ZFHX3: variants seen among roughly 807,000 people sequenced by gnomAD.
The protein encoded by ZFHX3 is zinc finger homeobox 3, also known as zinc finger homeobox protein 3.
A neutral mutation model predicts 279.1 loss-of-function variants in ZFHX3; 42 were observed. That is an observed-to-expected ratio of 0.15 (90% confidence interval 0.12 to 0.19). The LOEUF (loss-of-function observed/expected upper bound fraction) is 0.19, where lower values mean the gene tolerates loss of function less well. ZFHX3 is among the 10% of genes least tolerant of loss of function. The pLI, the probability that ZFHX3 is intolerant of heterozygous loss-of-function variation, is 1.00. For missense variants in ZFHX3, 4,981 were observed against 4,754.0 expected (o/e 1.05, Z -1.40); for synonymous variants, 2,293 against 1,957.8 (o/e 1.17, Z -4.52).
At chr16:73,534,544 G>A (rs2019860802) in intron 2 of ZFHX3, among the ~76,000 whole-genome samples, 1 of 152,122 alleles carries the variant, frequency 6.6e-6, no homozygotes, top group Admixed American at 6.5e-5. Context: ...TCTCTATTTT[G>A]CTCACTGATA....
intron 1 of ZFHX3, among the ~76,000 whole-genome samples, chr16:73,884,009 T>C (rs1176549741): frequency 3.3e-5 from 5 of 152,212 alleles, no homozygotes; most frequent in Non-Finnish European, 5.9e-5. Context: ...AGTGTTAAAC[T>C]GTACCAGGCT....
At chr16:73,012,768 T>G in intron 1 of ZFHX3, among the ~76,000 whole-genome samples, 1 of 152,170 alleles carries the variant, frequency 6.6e-6, no homozygotes, top group East Asian at 1.9e-4. Flanking sequence ...CTATACTTGT[T>G]CCAAAATCGT....
chr16:73,392,418 C>CAAAAAAAAAAAAA lies in ZFHX3; in HGVS notation c.-1291+63572_-1291+63584dup, dbSNP rs35019692. Among the ~76,000 whole-genome samples, 201 of 35,778 alleles carry CAAAAAAAAAAAAA rather than the reference C, an allele frequency of 5.6e-3. 4 individuals are homozygous for CAAAAAAAAAAAAA. The highest frequency in any genetic ancestry group is 8.2e-3 in the Non-Finnish European group (170 of 20,666). 23.5% of individuals were successfully genotyped at this position (35,778 alleles called of 152,430 possible). On this transcript the variant is annotated intron_variant, in intron 3 of 17. Transcript: ENST00000641206. Reference sequence around the variant, plus strand: ...TGGGTGACAGAATGAGACCCTGTCTCAAAAAAAAAAAAAAAAAAAAAAAAA... The same window carrying CAAAAAAAAAAAAA: ...TGGGTGACAGAATGAGACCCTGTCTCAAAAAAAAAAAAAAAAAAAAAAAAAAAAAAAAAAAAAA...
chr16:72,911,576 C>T (rs551762775), intron 3 of ZFHX3, among the ~76,000 whole-genome samples: 65 of 152,248 alleles, frequency 4.3e-4, no homozygotes, highest in African/African-American at 1.1e-3. Context: ...TCAGACCCTC[C>T]GCGGATAACC....
At chr16:72,898,206 T>G (rs1407958251) in intron 3 of ZFHX3, among the ~76,000 whole-genome samples, 2 of 152,222 alleles carry the variant, frequency 1.3e-5, no homozygotes, top group Non-Finnish European at 2.9e-5. Flanking sequence ...AATTTAGTTC[T>G]ATTTCATTGT....
At chr16:72,985,442 A>G (rs1432021010) in intron 1 of ZFHX3, among the ~76,000 whole-genome samples, 1 of 152,248 alleles carries the variant, frequency 6.6e-6, no homozygotes. Context: ...AGCCAGTTGC[A>G]TAAGGGTGTC....
chr16:73,169,035 C>T (rs1479651427), intron 5 of ZFHX3, among the ~76,000 whole-genome samples: 4 of 152,118 alleles, frequency 2.6e-5, no homozygotes, highest in African/African-American at 9.7e-5. Flanking sequence ...ATATTAGAAT[C>T]CTATCTTTGA....
intron 1 of ZFHX3, among the ~76,000 whole-genome samples, chr16:73,786,016 A>G (rs1331885717): frequency 6.6e-6 from 1 of 151,996 alleles, no homozygotes; most frequent in Non-Finnish European, 1.5e-5. Flanking sequence ...GATTACAGGC[A>G]TGCACCACCA....
In ZFHX3 at chr16:73,565,815, G is replaced by A. The variant is rs1223674010; in HGVS notation, c.-1546-109557C>T. Among the ~76,000 whole-genome samples, 3 of 152,198 alleles carry A rather than the reference G, an allele frequency of 2.0e-5. No homozygotes were observed. The East Asian group carries it at 5.8e-4, about 29-fold the overall frequency. On this transcript the variant is annotated intron_variant, in intron 2 of 17. Transcript: ENST00000641206. ...CAAGCTAGGGAGTTCTGAATGCACC[G>A]ATGCAACTTACATCCTGTGCCTCAC...
rs1432747197 is a variant in ZFHX3, at chr16:73,545,813, T to C, written c.-1546-89555A>G. On this transcript the variant is annotated intron_variant, in intron 2 of 17. Transcript: ENST00000641206. ...GAAATTAAAAAAAAAAAAAAAAGTT[T>C]TCCCCTAAAAAATGACTAAACTGCA... Among the ~76,000 whole-genome samples, 5 of 151,896 alleles carry C rather than the reference T, an allele frequency of 3.3e-5. No individual in the cohort carries two copies. In the East Asian group the frequency reaches 9.7e-4, roughly 29 times the overall value.
intron 1 of ZFHX3, among the ~76,000 whole-genome samples, chr16:73,022,197 C>A (rs1411148576): frequency 6.6e-6 from 1 of 152,106 alleles, no homozygotes; most frequent in Non-Finnish European, 1.5e-5. Flanking sequence ...TGGAGTATCA[C>A]CGGCACCAAC....
rs572397861 is a variant in ZFHX3, at chr16:72,982,044, G to A, written c.-49-21850C>T. 1.1e-4 allele frequency among the ~76,000 whole-genome samples: 17 copies of A among 151,848 alleles called. No homozygotes were observed. In the East Asian group the frequency reaches 2.1e-3, roughly 19 times the overall value. ...ATTACACGCACCTACCACCATGCCC[G>A]GCTAATTTCTGTATTTTTAGTAGAG... On this transcript the variant is annotated intron_variant, in intron 1 of 9. Transcript: ENST00000268489.
At chr16:73,475,359 T>C (rs536603197) in intron 2 of ZFHX3, among the ~76,000 whole-genome samples, 1 of 152,250 alleles carries the variant, frequency 6.6e-6, no homozygotes, top group South Asian at 2.1e-4. Flanking sequence ...AAAATGAAAA[T>C]AATTTATCTT....
rs115040372 is a variant in ZFHX3 at position 73,823,485 on chromosome 16, C to T, written c.-1608+68166G>A. Among the ~76,000 whole-genome samples, 792 of 152,248 alleles carry T rather than the reference C, an allele frequency of 5.2e-3. 7 individuals carry two copies. The highest frequency in any genetic ancestry group is 0.018 in the African/African-American group (745 of 41,534). ...CCAATGCAGGAACAGTGGCTGGAAC[C>T]CCAAGAAAGGCTGCAAGAAGGAGGT... On this transcript the variant is annotated intron_variant, in intron 1 of 17. Transcript: ENST00000641206.
Position 73,322,612 on chromosome 16 carries a change from G to C in ZFHX3, c.-1290-4276C>G, listed in dbSNP as rs916999859. Among the ~76,000 whole-genome samples, 15 of 152,160 alleles carry C rather than the reference G, an allele frequency of 9.9e-5. 1 individual carries two copies. The highest frequency in any genetic ancestry group is 3.2e-3 in the Middle Eastern group (1 of 316). On this transcript the variant is annotated intron_variant, in intron 3 of 17. Transcript: ENST00000641206. ...TTGGCTTGGGAAGTGTTTTTGTAGGGAGCACAGCAAACAGAAAACACTGAA... is the reference window on the plus strand; with the variant it reads ...TTGGCTTGGGAAGTGTTTTTGTAGGCAGCACAGCAAACAGAAAACACTGAA...
At chr16:73,871,892 G>A (rs1358454507) in intron 1 of ZFHX3, among the ~76,000 whole-genome samples, 1 of 152,026 alleles carries the variant, frequency 6.6e-6, no homozygotes, top group Non-Finnish European at 1.5e-5. Context: ...AATGAAACTG[G>A]GCTTCCTCTT....
chr16:72,868,574 G>C (rs1344339569), intron 4 of ZFHX3, among the ~76,000 whole-genome samples: 2 of 152,202 alleles, frequency 1.3e-5, no homozygotes, highest in African/African-American at 2.4e-5. Context: ...GCACTCCCTA[G>C]AGGGGAAAGT....
intron 1 of ZFHX3, among the ~76,000 whole-genome samples, chr16:73,756,459 G>A (rs895781474): frequency 2.0e-5 from 3 of 152,246 alleles, no homozygotes; most frequent in Non-Finnish European, 2.9e-5. Context: ...CACACGACAT[G>A]AGCTTGCGTC....
chr16:73,851,485 C>T (rs1204657743), intron 1 of ZFHX3, among the ~76,000 whole-genome samples: 1 of 152,176 alleles, frequency 6.6e-6, no homozygotes, highest in African/African-American at 2.4e-5. Context: ...GTTCTAACCT[C>T]CTGAAGTCTC....
Sources: allele counts gnomAD v4.1 joint callset (sites outside exome capture counted in the v4.1 genomes callset), GRCh38; gene constraint gnomAD v4.1.1; transcripts MANE v1.5; gene names NCBI Gene and HGNC (gene_info 2026-07-23, HGNC 2026-07-21).